PLEKHG1: variants seen among roughly 807,000 people sequenced by gnomAD.
The protein encoded by PLEKHG1 is pleckstrin homology and RhoGEF domain containing G1.
PLEKHG1 carries 44 observed loss-of-function variants against 100.8 expected under a neutral mutation model. That is an observed-to-expected ratio of 0.44 (90% CI 0.34 to 0.56). The LOEUF is 0.56. Among genes scored for constraint, PLEKHG1 ranks in the 20% least tolerant of loss-of-function variants. PLEKHG1 has a pLI of 0.01. For synonymous variants in PLEKHG1, 640 were observed against 662.5 expected (o/e 0.97, Z 0.52); for missense variants, 1,545 against 1,720.9 (o/e 0.90, Z 1.81).
rs146683214 is a variant in PLEKHG1, at chr6:150,814,778, C to T, written c.1279-3405C>T. Among the ~76,000 whole-genome samples, 885 of 152,282 alleles carry T rather than the reference C, an allele frequency of 5.8e-3. 11 individuals carry two copies. Among genetic ancestry groups the T allele is most frequent in the African/African-American group, 0.02 (840 of 41,554 alleles). On this transcript the variant is annotated intron_variant, in intron 10 of 15. Coordinates refer to ENST00000358517, the Ensembl canonical transcript of PLEKHG1. ...GGCTGGAGTGCAGTGGTGCAATCTC[C>T]ATACAAGAAAAAGCACACTGCCACC...
intron 3 of PLEKHG1, among the ~76,000 whole-genome samples, chr6:150,675,781 C>T (rs368304562): frequency 2.0e-4 from 30 of 152,290 alleles, no homozygotes; most frequent in African/African-American, 7.0e-4. Context: ...GCCACCATAC[C>T]TGGCTGATAA....
intron 3 of PLEKHG1, among the ~76,000 whole-genome samples, chr6:150,693,084 T>C (rs9372086): frequency 0.37 from 56,329 of 151,888 alleles, 10,808 homozygotes; most frequent in Middle Eastern, 0.44. Context: ...GGTCAGGAGT[T>C]CGAAACCAGC....
At chr6:150,674,632 C>CCTCTCTCTCTCTTT (rs1779683179) in intron 3 of PLEKHG1, among the ~76,000 whole-genome samples, 1 of 66,284 alleles carries the variant, frequency 1.5e-5, no homozygotes, top group Non-Finnish European at 2.8e-5. Flanking sequence ...CTCTCTCCTC[C>CCTCTCTCTCTCTTT]CTCTCTCTCT....
chr6:150,800,743 T>C lies in PLEKHG1; in HGVS notation c.654T>C (p.Cys218=), dbSNP rs776958970. The change falls in exon 6 of 16, where the codon TGT becomes TGC. Residue 218 remains cysteine (C), a synonymous_variant. Transcript: ENST00000358517. The stretch of plus-strand genomic sequence containing the variant: ...GGTCCGTGGCTGTGCTAACAGAGTG[T>C]ATGAGGAACAAGATACTGGCCAAAT... 17 of 1,613,988 alleles carry C rather than the reference T, an allele frequency of 1.1e-5. No individual in the cohort carries two copies. In the East Asian group the frequency reaches 2.9e-4, roughly 27 times the overall value.
chr6:150,736,035 G>A (rs928258991), intron 2 of PLEKHG1, among the ~76,000 whole-genome samples: 1 of 152,160 alleles, frequency 6.6e-6, no homozygotes, highest in Non-Finnish European at 1.5e-5. Context: ...ACTAGGGGTT[G>A]GTGAGCTTTT....
intron 3 of PLEKHG1, among the ~76,000 whole-genome samples, chr6:150,670,274 C>T (rs1009283688): frequency 1.3e-5 from 2 of 152,118 alleles, no homozygotes; most frequent in African/African-American, 4.8e-5. Flanking sequence ...TTTTTCTTTT[C>T]ATAGCCTTCC....
chr6:150,727,247 A>C (rs1782004694), intron 1 of PLEKHG1, among the ~76,000 whole-genome samples: 1 of 152,202 alleles, frequency 6.6e-6, no homozygotes, highest in East Asian at 1.9e-4. Flanking sequence ...CCCTGCTGTG[A>C]GTAGAATTTC....
chr6:150,819,610 T>G, intron 11 of PLEKHG1, 69 bp from the exon 13 acceptor site: 1 of 775,032 alleles, frequency 1.3e-6, no homozygotes, highest in South Asian at 1.5e-5. Context: ...AAATCTACAC[T>G]AGCCATAACC....
At chr6:150,699,384 TCCC>T (rs1780676188) in intron 3 of PLEKHG1, among the ~76,000 whole-genome samples, 1 of 152,240 alleles carries the variant, frequency 6.6e-6, no homozygotes, top group Non-Finnish European at 1.5e-5. Flanking sequence ...CTGTGAGGTT[TCCC>T]TCGTGCAACA....
chr6:150,698,294 T>C (rs1043289473), intron 3 of PLEKHG1, among the ~76,000 whole-genome samples: 4 of 152,240 alleles, frequency 2.6e-5, no homozygotes, highest in Non-Finnish European at 4.4e-5. Flanking sequence ...GGGAGTCATG[T>C]AGATGCTCAA....
intron 2 of PLEKHG1, among the ~76,000 whole-genome samples, chr6:150,746,719 T>A (rs892073347): frequency 8.5e-5 from 13 of 152,276 alleles, no homozygotes; most frequent in African/African-American, 2.9e-4. Context: ...TGTGAAACTC[T>A]TAGTATGCCA....
At chr6:150,685,948 G>A (rs1780115909) in intron 3 of PLEKHG1, among the ~76,000 whole-genome samples, 1 of 152,200 alleles carries the variant, frequency 6.6e-6, no homozygotes, top group African/African-American at 2.4e-5. Context: ...GCTGCCTACA[G>A]CCAATTCAAT....
intron 3 of PLEKHG1, among the ~76,000 whole-genome samples, chr6:150,696,291 A>G (rs1464235297): frequency 2.6e-5 from 4 of 152,132 alleles, no homozygotes; most frequent in Non-Finnish European, 5.9e-5. Context: ...AGCCAGGGAG[A>G]AGCAGAGGGC....
rs565733689 is a variant in PLEKHG1, at chr6:150,812,323, C to T, written c.1278+2589C>T. Among the ~76,000 whole-genome samples the T allele has an allele frequency of 6.0e-4, 92 of 152,148 alleles. No individual in the cohort carries two copies. In the South Asian group the frequency reaches 6.9e-3, roughly 11 times the overall value. On this transcript the variant is annotated intron_variant, in intron 10 of 15. Coordinates refer to ENST00000358517, the Ensembl canonical transcript of PLEKHG1. ...AAGGAAAGATGAACCCTTGGGAATCCCAACATCTAAGTGATCAGCAAGCGG... is the reference window on the plus strand; with the variant it reads ...AAGGAAAGATGAACCCTTGGGAATCTCAACATCTAAGTGATCAGCAAGCGG...
chr6:150,812,126 G>A (rs1032480382), intron 10 of PLEKHG1, among the ~76,000 whole-genome samples: 1 of 152,174 alleles, frequency 6.6e-6, no homozygotes, highest in East Asian at 1.9e-4. Flanking sequence ...AGAGGAACCT[G>A]TGAGATGGGA....
At chr6:150,775,222 C>CAA (rs1784901020) in intron 3 of PLEKHG1, among the ~76,000 whole-genome samples, 1 of 152,062 alleles carries the variant, frequency 6.6e-6, no homozygotes, top group East Asian at 1.9e-4. Flanking sequence ...TGTTTTACTG[C>CAA]AAACCAAAAA....
intron 1 of PLEKHG1, among the ~76,000 whole-genome samples, chr6:150,727,521 G>A (rs1249741546): frequency 6.6e-6 from 1 of 152,140 alleles, no homozygotes; most frequent in African/African-American, 2.4e-5. Flanking sequence ...AAAAATTAGA[G>A]GGATTTGTCA....
intron 1 of PLEKHG1, among the ~76,000 whole-genome samples, chr6:150,728,513 C>T (rs1782071797): frequency 6.6e-6 from 1 of 152,056 alleles, no homozygotes; most frequent in African/African-American, 2.4e-5. Flanking sequence ...GGCTTGAACC[C>T]AGGAGTGAGC....
At chr6:150,806,959 T>A (rs556614233) in intron 7 of PLEKHG1, among the ~76,000 whole-genome samples, 1 of 152,154 alleles carries the variant, frequency 6.6e-6, no homozygotes, top group Admixed American at 6.5e-5. Flanking sequence ...ACCTGGGACA[T>A]GAATCACCCC....
Sources: allele counts gnomAD v4.1 joint callset (sites outside exome capture counted in the v4.1 genomes callset), GRCh38; gene constraint gnomAD v4.1.1; transcripts MANE v1.5; gene names NCBI Gene and HGNC (gene_info 2026-07-23, HGNC 2026-07-21).